Variants in C1orf21 observed in about 807,000 individuals in gnomAD.
C1orf21 encodes the protein uncharacterized protein C1orf21.
In C1orf21, 3 loss-of-function variants were observed where a neutral mutation model predicts 18.7. The ratio of observed to expected loss-of-function variants is 0.16; its 90% CI spans 0.07 to 0.42. The LOEUF (loss-of-function observed/expected upper bound fraction) is 0.42, where lower values mean the gene tolerates loss of function less well. Ranked by LOEUF, C1orf21 falls within the 10% of genes least tolerant of loss-of-function variation. The pLI, the probability that C1orf21 is intolerant of heterozygous loss-of-function variation, is 0.99. For missense variants in C1orf21, 104 were observed against 143.6 expected (o/e 0.72, Z 1.41); for synonymous variants, 41 against 46.4 (o/e 0.88, Z 0.47).
At chr1:184,586,572 C>T (rs1014741371) in intron 3 of C1orf21, among the ~76,000 whole-genome samples, 3 of 152,106 alleles carry the variant, frequency 2.0e-5, no homozygotes, top group South Asian at 2.1e-4. Context: ...CGTGAGCCAC[C>T]GCGCCCGGCC....
chr1:184,503,517 C>T (rs75956409), intron 2 of C1orf21, among the ~76,000 whole-genome samples: 237 of 152,264 alleles, frequency 1.6e-3, no homozygotes, highest in African/African-American at 4.8e-3. Context: ...CTCTCCTCTA[C>T]ATCCCTGCAT....
chr1:184,536,580 G>A (rs556344055), intron 3 of C1orf21, among the ~76,000 whole-genome samples: 4 of 152,178 alleles, frequency 2.6e-5, no homozygotes, highest in African/African-American at 4.8e-5. Flanking sequence ...GTACAACTGC[G>A]ATGTGTGTGT....
intron 1 of C1orf21, among the ~76,000 whole-genome samples, chr1:184,399,745 G>A (rs1484043521): frequency 1.3e-5 from 2 of 152,134 alleles, no homozygotes; most frequent in South Asian, 2.1e-4. Flanking sequence ...GTGGATTTAG[G>A]TGTTGTTAGT....
chr1:184,480,097 A>G (rs1245748453), intron 2 of C1orf21, among the ~76,000 whole-genome samples: 2 of 152,184 alleles, frequency 1.3e-5, no homozygotes, highest in South Asian at 4.1e-4. Context: ...GAAGAGGAAA[A>G]GACATACCTC....
chr1:184,529,352 G>A lies in C1orf21; in HGVS notation c.189+21670G>A, dbSNP rs143306457. Reference sequence around the variant, plus strand: ...TATGTCTGGTAGGGGAGATATTTGAGCAAATAGACTTCAGCTTTATGTGAT... The same window carrying A: ...TATGTCTGGTAGGGGAGATATTTGAACAAATAGACTTCAGCTTTATGTGAT... On this transcript the variant is annotated intron_variant, in intron 3 of 5. Transcript: ENST00000235307. Among the ~76,000 whole-genome samples the A allele has an allele frequency of 5.7e-3, 873 of 152,246 alleles. 7 individuals carry two copies. Among genetic ancestry groups the A allele is most frequent in the African/African-American group, 0.017 (720 of 41,550 alleles).
At position 184,622,086 on chromosome 1, in the gene C1orf21, T is replaced by G. The variant is rs1265371056; in HGVS notation, c.*2530T>G. 6.6e-6 allele frequency: 1 copy of G among 152,228 alleles called. No individual in the cohort carries two copies. Among genetic ancestry groups the G allele is most frequent in the Admixed American group, 6.5e-5 (1 of 15,282 alleles). 9.4% of individuals were successfully genotyped at this position (152,228 alleles called of 1,614,324 possible). On this transcript the variant is annotated 3_prime_UTR_variant, in exon 6 of 6. Coordinates refer to ENST00000235307, the MANE Select transcript of C1orf21 (RefSeq NM_030806.4). ...TCTGAAAGGATCTAAAACAAAAATA[T>G]TTTGCCTTTTTTTCCCCACGTGTAT... is the stretch of plus-strand genomic sequence containing the variant.
At chr1:184,527,831 G>A (rs191159232) in intron 3 of C1orf21, among the ~76,000 whole-genome samples, 1 of 152,266 alleles carries the variant, frequency 6.6e-6, no homozygotes, top group Admixed American at 6.5e-5. Flanking sequence ...GGCTATCTGA[G>A]ATAAGGTCAG....
At chr1:184,561,855 G>A (rs182367539) in intron 3 of C1orf21, among the ~76,000 whole-genome samples, 6 of 152,002 alleles carry the variant, frequency 3.9e-5, no homozygotes. Context: ...GGCTGGTCTC[G>A]AACTCCTGAC....
intron 4 of C1orf21, among the ~76,000 whole-genome samples, chr1:184,597,015 A>G (rs1248800657): frequency 6.6e-6 from 1 of 152,202 alleles, no homozygotes; most frequent in African/African-American, 2.4e-5. Context: ...GAGACGGTGA[A>G]AACATAAGGA....
intron 5 of C1orf21, among the ~76,000 whole-genome samples, chr1:184,617,927 T>G (rs1320968384): frequency 8.9e-6 from 1 of 112,132 alleles, no homozygotes; most frequent in Non-Finnish European, 1.7e-5. Context: ...TTTTTTTTTT[T>G]GAGATAGAGT....
chr1:184,457,668 G>A (rs891363404), intron 1 of C1orf21, among the ~76,000 whole-genome samples: 3 of 152,074 alleles, frequency 2.0e-5, no homozygotes, highest in Non-Finnish European at 4.4e-5. Context: ...CCTCTCCGAT[G>A]GGTATCTTGC....
At chr1:184,542,202 GGGA>G (rs1658662881) in intron 3 of C1orf21, among the ~76,000 whole-genome samples, 2 of 152,154 alleles carry the variant, frequency 1.3e-5, no homozygotes, top group Non-Finnish European at 2.9e-5. Context: ...ACCAGATGTG[GGGA>G]TATCAAGGTA....
chr1:184,411,658 G>A (rs1273918972), intron 1 of C1orf21, among the ~76,000 whole-genome samples: 3 of 152,124 alleles, frequency 2.0e-5, no homozygotes, highest in South Asian at 2.1e-4. Flanking sequence ...TCCTGACCTC[G>A]TGATCCGCCC....
At chr1:184,474,784 C>G (rs1657545527) in intron 1 of C1orf21, among the ~76,000 whole-genome samples, 1 of 152,204 alleles carries the variant, frequency 6.6e-6, no homozygotes, top group Non-Finnish European at 1.5e-5. Flanking sequence ...TTCGCCCTCT[C>G]ACTTCAATCT....
At chr1:184,465,978 C>T (rs1243553959) in intron 1 of C1orf21, among the ~76,000 whole-genome samples, 1 of 152,168 alleles carries the variant, frequency 6.6e-6, no homozygotes, top group Non-Finnish European at 1.5e-5. Flanking sequence ...CATGTTCTTC[C>T]TGCCTGTGTT....
At chr1:184,497,717 C>T (rs574941659) in intron 2 of C1orf21, among the ~76,000 whole-genome samples, 18 of 152,292 alleles carry the variant, frequency 1.2e-4, no homozygotes, top group Admixed American at 2.6e-4. Flanking sequence ...CTTCCTATTT[C>T]GTTAATGATT....
chr1:184,443,770 A>G (rs1656987629), intron 1 of C1orf21, among the ~76,000 whole-genome samples: 1 of 152,190 alleles, frequency 6.6e-6, no homozygotes, highest in Non-Finnish European at 1.5e-5. Context: ...ATAGCAGGCC[A>G]AGATCCCATT....
chr1:184,550,218 T>C (rs976139574), intron 3 of C1orf21, among the ~76,000 whole-genome samples: 1 of 152,236 alleles, frequency 6.6e-6, no homozygotes, highest in African/African-American at 2.4e-5. Flanking sequence ...ATAAAAAAGA[T>C]TTAATATCAA....
At chr1:184,574,198 C>G (rs1205314388) in intron 3 of C1orf21, among the ~76,000 whole-genome samples, 5 of 152,098 alleles carry the variant, frequency 3.3e-5, no homozygotes, top group Non-Finnish European at 7.4e-5. Flanking sequence ...GAGAAAGACT[C>G]TGTCTCAAAA....
Sources: gnomAD v4.1 joint callset for allele counts (sites outside exome capture counted in the v4.1 genomes callset) on GRCh38, gnomAD v4.1.1 for gene constraint, MANE v1.5 for transcripts, NCBI Gene and HGNC (gene_info 2026-07-23, HGNC 2026-07-21) for gene names.